The following LAMA5 variants were observed in gnomAD, a reference collection of about 807,000 sequenced individuals.
LAMA5 encodes the protein laminin subunit alpha 5.
A neutral mutation model predicts 433.4 loss-of-function variants in LAMA5; 260 were observed. The observed-to-expected ratio is 0.60, with a 90% confidence interval of 0.54 to 0.66. The LOEUF is 0.66. Among genes scored for constraint, LAMA5 ranks in the 30% least tolerant of loss-of-function variants. The pLI is 0.00. For missense variants in LAMA5, 5,378 were observed against 5,258.5 expected (o/e 1.02, Z -0.70); for synonymous variants, 2,620 against 2,226.6 (o/e 1.18, Z -4.97).
intron 2 of LAMA5, among the ~76,000 whole-genome samples, chr20:62,361,719 T>G (rs914656093): frequency 2.6e-5 from 4 of 152,158 alleles, no homozygotes; most frequent in Non-Finnish European, 5.9e-5. Flanking sequence ...GCACCAGGAT[T>G]ACTGGCCCAT....
intron 53 of LAMA5, 111 bp downstream of exon 53, chr20:62,318,343 A>T (rs1244068369): frequency 1.2e-5 from 4 of 331,540 alleles, no homozygotes; most frequent in Non-Finnish European, 2.1e-5. Context: ...GGAGGGGAGG[A>T]CGGAGGGAGG....
In LAMA5 at chr20:62,313,688, G is replaced by C. The variant is rs749607911; in HGVS notation, c.8619C>G (p.Asp2873Glu). The change falls in exon 63 of 80, where the codon GAC (aspartate) becomes GAG (glutamate). Residue 2873 changes from aspartate (D) to glutamate (E), a missense_variant. Transcript: ENST00000252999. ...GGTACCCCCCGACGTAGAAGACGAA[G>C]TCGTCTGGCCGCAGGTTGAGCAGCC... ...AEGLLNLRPD[D>E]FVFYVGGYPS... is the part of the protein sequence containing the mutation. The C allele has an allele frequency of 6.2e-7, 1 of 1,612,838 alleles. No individual in the cohort carries two copies. Among genetic ancestry groups the C allele is most frequent in the Non-Finnish European group, 8.5e-7 (1 of 1,179,968 alleles).
At position 62,309,285 on chromosome 20, in the gene LAMA5, C is replaced by T. The variant is rs757212985; in HGVS notation, c.*51G>A. On this transcript the variant is annotated 3_prime_UTR_variant, in exon 80 of 80. Coordinates refer to ENST00000252999, the MANE Select transcript of LAMA5 (RefSeq NM_005560.6). ...ACACCTATGAGGCGAGCACAAGGGG[C>T]GGTGTGAGGCAGCTGCAGGGGCCTG... 1.8e-5 allele frequency: 28 copies of T among 1,566,640 alleles called. No homozygotes were observed. The highest frequency in any genetic ancestry group is 2.3e-4 in the Middle Eastern group (1 of 4,348).
intron 2 of LAMA5, among the ~76,000 whole-genome samples, chr20:62,358,490 C>T (rs1259961978): frequency 6.6e-6 from 1 of 152,176 alleles, no homozygotes; most frequent in African/African-American, 2.4e-5. Flanking sequence ...GGCTGAGTGC[C>T]CAACCAGGCC....
rs1216369869 is a variant in LAMA5 at position 62,333,388 on chromosome 20, G to A, written c.3115C>T (p.Gln1039Ter). The A allele has an allele frequency of 1.2e-6, 2 of 1,612,656 alleles. No homozygotes were observed. The highest frequency in any genetic ancestry group is 1.7e-6 in the Non-Finnish European group (2 of 1,179,858). Residue 1039 changes from glutamine to a stop codon, truncating the protein, a stop_gained, in exon 25 of 80, where the codon CAG (glutamine) becomes TAG (stop). Coordinates refer to ENST00000252999, the MANE Select transcript of LAMA5 (RefSeq NM_005560.6). LOFTEE classifies it high-confidence loss of function. ...CATGGCCCTCACTTGTCGCCAGACT[G>A]CTGGGCAGAGGGACGGTATGTGCAG... ...EACTYRPSAQ[Q>*]SGDNCLLYTH...
chr20:62,324,257 G>A lies in LAMA5; in HGVS notation c.5644-53C>T, dbSNP rs576425067. Reference sequence around the variant, plus strand: ...TGGTGGACACCCACATCCTACTGCCGAGTCTGTGCAGCTCCCACCACCCCT... The same window carrying A: ...TGGTGGACACCCACATCCTACTGCCAAGTCTGTGCAGCTCCCACCACCCCT... On this transcript the variant is annotated intron_variant, in intron 42 of 79. Transcript: ENST00000252999. The surrounding 1 kb of genome is among the most constrained non-coding windows in gnomAD (Gnocchi z 4.4). The A allele has an allele frequency of 5.7e-5, 89 of 1,569,240 alleles. No homozygotes were observed. In the South Asian group the frequency reaches 8.3e-4, roughly 15 times the overall value.
intron 48 of LAMA5, among the ~76,000 whole-genome samples, chr20:62,321,362 G>GAA (rs1987717424): frequency 2.3e-5 from 1 of 42,814 alleles, no homozygotes; most frequent in Non-Finnish European, 4.8e-5. Context: ...TGGGGCCAGT[G>GAA]GGGGTGGGGT....
Position 62,323,681 on chromosome 20 carries a change from G to A in LAMA5, c.5850-11C>T, listed in dbSNP as rs749173108. The A allele has an allele frequency of 2.8e-5, 45 of 1,601,076 alleles. No homozygotes were observed. In the South Asian group the frequency reaches 5.0e-4, roughly 18 times the overall value. ...AATCCGGGCGCACACCTGGGAGCAG[G>A]GTGGGGAGGGGCCGTCAGTGGCCCG... is the stretch of plus-strand genomic sequence containing the variant. On this transcript the variant is annotated splice_polypyrimidine_tract_variant and intron_variant, in intron 44 of 79. Coordinates refer to ENST00000252999, the MANE Select transcript of LAMA5 (RefSeq NM_005560.6).
rs749667191 is a variant in LAMA5, at chr20:62,337,639, C to G, written c.2115G>C (p.Leu705=). 6.2e-7 allele frequency: 1 copy of G among 1,612,244 alleles called. No individual in the cohort carries two copies. The highest frequency in any genetic ancestry group is 1.3e-5 in the African/African-American group (1 of 75,068). The change falls in exon 16 of 80, where the codon CTG becomes CTC. Residue 705 remains leucine (L), a synonymous_variant. Coordinates refer to ENST00000252999, the MANE Select transcript of LAMA5 (RefSeq NM_005560.6). ...QCSCRPRVTG[L]RCDTCVPGAY... ...CACCGGGCACACATGTGTCACACCG[C>G]AGCCCCGTCACACGGGGCCGGCAGC...
In LAMA5 at chr20:62,312,157, G is replaced by C. The variant is rs770700050; in HGVS notation, c.9504+16C>G. On this transcript the variant is annotated intron_variant, in intron 69 of 79. Transcript: ENST00000252999. ...CCACCGCGGGGTGGGGAATGGGCACGGGTGTGAGGTCTCACCGGGGACGCC... is the reference window on the plus strand; with the variant it reads ...CCACCGCGGGGTGGGGAATGGGCACCGGTGTGAGGTCTCACCGGGGACGCC... The C allele has an allele frequency of 6.2e-7, 1 of 1,610,666 alleles. No homozygotes were observed. Among genetic ancestry groups the C allele is most frequent in the South Asian group, 1.1e-5 (1 of 90,846 alleles).
At chr20:62,328,088 C>T in intron 35 of LAMA5, 78 bp from the exon 36 acceptor site, 1 of 1,580,026 alleles carries the variant, frequency 6.3e-7, no homozygotes. Context: ...GCACCCCCCA[C>T]CCAGGCAGCA....
In LAMA5 at chr20:62,318,572, A is replaced by G. The variant is rs1368343307; in HGVS notation, c.7121T>C (p.Leu2374Pro). Residue 2374 changes from leucine (L) to proline (P), a missense_variant, in exon 53 of 80, where the codon CTG (leucine) becomes CCG (proline). Coordinates refer to ENST00000252999, the MANE Select transcript of LAMA5 (RefSeq NM_005560.6). ...CATGAGGCCGGCCTCGTGCTGGGCCAGCCGGTCGCGGGTTTGTGTGGCCAG... is the reference window on the plus strand; with the variant it reads ...CATGAGGCCGGCCTCGTGCTGGGCCGGCCGGTCGCGGGTTTGTGTGGCCAG... ...QALATQTRDR[L>P]AQHEAGLMDL... 14 of 1,610,502 alleles carry G rather than the reference A, an allele frequency of 8.7e-6. No individual in the cohort carries two copies. The Admixed American group carries it at 2.2e-4, about 25-fold the overall frequency.
intron 46 of LAMA5, 91 bp from the exon 47 acceptor site, chr20:62,322,540 C>T: frequency 6.9e-7 from 1 of 1,447,490 alleles, no homozygotes; most frequent in Non-Finnish European, 9.4e-7. Context: ...CTGGCCCCAC[C>T]CCCTGAGGCT....
Position 62,314,312 on chromosome 20 carries a change from G to A in LAMA5, c.8496C>T (p.Ser2832=), listed in dbSNP as rs769201422. The change falls in exon 62 of 80, where the codon AGC becomes AGT. Residue 2832 remains serine (S), a synonymous_variant. Transcript: ENST00000252999. ...TCTCCTGGGCCTCCCACCTGTCCAG[G>A]CTGACAGCTGCGAACTGCTCCCCAA... is the stretch of plus-strand genomic sequence containing the variant. ...EDIGEQFAAV[S]LDRTLQFGHM... The A allele has an allele frequency of 4.3e-6, 7 of 1,612,948 alleles. No individual in the cohort carries two copies. The East Asian group carries it at 1.1e-4, about 26-fold the overall frequency.
chr20:62,336,423 C>T lies in LAMA5; in HGVS notation c.2240G>A (p.Arg747Gln), dbSNP rs201992387. 54 of 1,612,470 alleles carry T rather than the reference C, an allele frequency of 3.3e-5. No homozygotes were observed. The East Asian group carries it at 7.8e-4, about 23-fold the overall frequency. ...LPEAQVPCMC[R>Q]AHVEGPSCDR... ...ACAGCTCGGCCCCTCCACGTGAGCCCGGCACATACAGGGAACCTGTGCCTG... is the reference window on the plus strand; with the variant it reads ...ACAGCTCGGCCCCTCCACGTGAGCCTGGCACATACAGGGAACCTGTGCCTG... The change falls in exon 18 of 80, where the codon CGG (arginine) becomes CAG (glutamine). Residue 747 changes from arginine to glutamine, a missense_variant. Transcript: ENST00000252999.
chr20:62,363,465 G>A (rs1358592389), intron 1 of LAMA5, among the ~76,000 whole-genome samples: 30 of 152,148 alleles, frequency 2.0e-4, no homozygotes, highest in Admixed American at 6.5e-5. Context: ...TCCTGCATGG[G>A]TGAGTGGGGA....
At chr20:62,311,569 G>C in intron 71 of LAMA5, 33 bp from the exon 72 acceptor site, 1 of 1,609,910 alleles carries the variant, frequency 6.2e-7, no homozygotes, top group Non-Finnish European at 8.5e-7. Context: ...CAGCAGCTGC[G>C]GAAGGCCAGC....
At chr20:62,311,849 CAG>C in intron 70 of LAMA5, 65 bp from the exon 71 acceptor site, 3 of 1,347,832 alleles carry the variant, frequency 2.2e-6, no homozygotes, top group Non-Finnish European at 3.1e-6. Context: ...TCAGAGGAGA[CAG>C]AGGTCCAGGC....
Position 62,334,616 on chromosome 20 carries a change from G to A in LAMA5, c.2488C>T (p.Arg830Trp), listed in dbSNP as rs773510828. The A allele has an allele frequency of 1.2e-5, 18 of 1,546,240 alleles. No homozygotes were observed. Among genetic ancestry groups the A allele is most frequent in the South Asian group, 3.6e-5 (3 of 84,020 alleles). ...QADYFGCRSC[R>W]CDIGGALGQS... ...CCCAGTGCACCGCCAATGTCACACC[G>A]GCAGCCTGCAGGGAGAAGGTGGGAG... Residue 830 changes from arginine to tryptophan, a missense_variant, in exon 21 of 80, where the codon CGG becomes TGG. Transcript: ENST00000252999.
Sources: allele counts gnomAD v4.1 joint callset (sites outside exome capture counted in the v4.1 genomes callset), GRCh38; gene constraint gnomAD v4.1.1; non-coding constraint Gnocchi (gnomAD v3.1); transcripts MANE v1.5; gene names NCBI Gene and HGNC (gene_info 2026-07-23, HGNC 2026-07-21).